Variants in PDE4D observed in about 807,000 individuals in gnomAD.
PDE4D encodes 3',5'-cyclic-AMP phosphodiesterase 4D.
Under a neutral mutation model 87.4 loss-of-function variants are expected in PDE4D, and 24 were observed. The observed-to-expected ratio is 0.27, with a 90% CI of 0.20 to 0.39. PDE4D has a LOEUF of 0.39. PDE4D is among the 10% of genes least tolerant of loss of function. PDE4D has a pLI of 1.00. For missense variants in PDE4D, 714 were observed against 1,041.0 expected (o/e 0.69, Z 4.32); for synonymous variants, 384 against 383.2 (o/e 1.00, Z -0.02).
chr5:58,982,243 T>C (rs1745345948), intron 11 of PDE4D, among the ~76,000 whole-genome samples: 1 of 152,154 alleles, frequency 6.6e-6, no homozygotes. Flanking sequence ...ACATATTGGA[T>C]GCTGATTCAG....
At chr5:59,852,971 G>A (rs1744903705) in intron 1 of PDE4D, among the ~76,000 whole-genome samples, 1 of 152,020 alleles carries the variant, frequency 6.6e-6, no homozygotes, top group Non-Finnish European at 1.5e-5. Context: ...TTTGACAACT[G>A]GACCAGATGA....
At chr5:58,989,280 T>C (rs1372761537) in intron 10 of PDE4D, among the ~76,000 whole-genome samples, 7 of 152,208 alleles carry the variant, frequency 4.6e-5, no homozygotes, top group Admixed American at 2.6e-4. Context: ...AATTATAAAA[T>C]ATATTTCTTA....
intron 2 of PDE4D, among the ~76,000 whole-genome samples, chr5:59,989,119 CA>C (rs1561950930): frequency 4.3e-5 from 3 of 70,114 alleles, no homozygotes; most frequent in African/African-American, 1.3e-4. Flanking sequence ...TATATATACA[CA>C]CACACACATA....
chr5:59,382,471 A>C (rs1278158910), intron 1 of PDE4D, among the ~76,000 whole-genome samples: 1 of 152,182 alleles, frequency 6.6e-6, no homozygotes, highest in African/African-American at 2.4e-5. Flanking sequence ...TTTCTAGTAA[A>C]TTTGGCAAAA....
At chr5:60,054,713 A>C (rs1174812994) in intron 2 of PDE4D, among the ~76,000 whole-genome samples, 1 of 152,138 alleles carries the variant, frequency 6.6e-6, no homozygotes, top group Non-Finnish European at 1.5e-5. Context: ...ACTAAAGGAT[A>C]GTCATCAAGA....
rs865903126 is a variant in PDE4D, at chr5:60,178,860, G to A, written c.42+6697C>T. The stretch of plus-strand genomic sequence containing the variant: ...TAAAGCCCAACCTGGAAGTGAATTG[G>A]TGGTGTGTTAACTCTCTGAACTGCT... On this transcript the variant is annotated intron_variant, in intron 2 of 16. Transcript: ENST00000502484. 1.8e-4 allele frequency among the ~76,000 whole-genome samples: 28 copies of A among 152,226 alleles called. No individual in the cohort carries two copies. In the Middle Eastern group the frequency reaches 0.01, roughly 55 times the overall value.
At chr5:59,240,118 T>C (rs781781949) in intron 1 of PDE4D, among the ~76,000 whole-genome samples, 29 of 152,140 alleles carry the variant, frequency 1.9e-4, no homozygotes, top group Admixed American at 5.2e-4. Context: ...CTAACAGCCA[T>C]GACACAACCT....
chr5:60,077,886 C>G (rs1773489760), intron 2 of PDE4D, among the ~76,000 whole-genome samples: 1 of 152,186 alleles, frequency 6.6e-6, no homozygotes, highest in East Asian at 1.9e-4. Flanking sequence ...ACCCCATCCC[C>G]AGGAGTTCTT....
chr5:60,409,133 T>C (rs1741826455), intron 1 of PDE4D, among the ~76,000 whole-genome samples: 1 of 152,044 alleles, frequency 6.6e-6, no homozygotes, highest in South Asian at 2.1e-4. Flanking sequence ...AAAAGGAGGA[T>C]GTGGTATGGA....
chr5:60,345,497 G>T (rs1758676085), intron 1 of PDE4D, among the ~76,000 whole-genome samples: 1 of 144,968 alleles, frequency 6.9e-6, no homozygotes, highest in East Asian at 2.0e-4. Flanking sequence ...GCAATGAAAA[G>T]AAAATTAACT....
chr5:58,995,042 A>AAAAC (rs150937732), intron 6 of PDE4D, among the ~76,000 whole-genome samples: 8 of 151,878 alleles, frequency 5.3e-5, no homozygotes, highest in South Asian at 4.2e-4. Flanking sequence ...TGCTGGGGAA[A>AAAAC]AAACAAACAA....
intron 1 of PDE4D, among the ~76,000 whole-genome samples, chr5:59,349,064 G>A (rs1319578277): frequency 6.6e-6 from 1 of 152,160 alleles, no homozygotes; most frequent in Non-Finnish European, 1.5e-5. Context: ...CTAGATGACA[G>A]AGTGAGACCC....
chr5:60,438,262 A>C (rs775485305), intron 1 of PDE4D, among the ~76,000 whole-genome samples: 5 of 152,076 alleles, frequency 3.3e-5, no homozygotes, highest in Non-Finnish European at 7.4e-5. Context: ...GGAGAGTAAA[A>C]CTAGAGCACA....
intron 1 of PDE4D, among the ~76,000 whole-genome samples, chr5:60,309,669 G>T (rs1192585884): frequency 6.6e-6 from 1 of 152,090 alleles, no homozygotes; most frequent in Non-Finnish European, 1.5e-5. Context: ...AGGAAAAAAC[G>T]ACTCATTTTT....
chr5:59,951,877 T>A (rs115882389), intron 3 of PDE4D, among the ~76,000 whole-genome samples: 505 of 152,212 alleles, frequency 3.3e-3, no homozygotes, highest in African/African-American at 0.012. Flanking sequence ...TCCATAAATA[T>A]CCCCGTTAAA....
intron 1 of PDE4D, among the ~76,000 whole-genome samples, chr5:59,343,556 T>G (rs1392430889): frequency 6.6e-6 from 1 of 152,176 alleles, no homozygotes; most frequent in Non-Finnish European, 1.5e-5. Flanking sequence ...GCTTCATAAG[T>G]CTAGCAGATT....
At chr5:60,009,812 T>C (rs752299209) in intron 2 of PDE4D, among the ~76,000 whole-genome samples, 1 of 152,132 alleles carries the variant, frequency 6.6e-6, no homozygotes, top group Non-Finnish European at 1.5e-5. Context: ...TAAGCTGATT[T>C]GTCTGCAGCT....
chr5:59,961,325 G>T (rs1759447877), intron 3 of PDE4D, among the ~76,000 whole-genome samples: 1 of 150,630 alleles, frequency 6.6e-6, no homozygotes, highest in African/African-American at 2.4e-5. Context: ...AAGGCCACGA[G>T]AGGACACAGG....
intron 1 of PDE4D, among the ~76,000 whole-genome samples, chr5:59,751,867 C>G (rs1760532891): frequency 6.6e-6 from 1 of 152,112 alleles, no homozygotes; most frequent in South Asian, 2.1e-4. Context: ...CCTTCCTAGG[C>G]CCCTCTCTCT....
Sources: allele counts gnomAD v4.1 joint callset (sites outside exome capture counted in the v4.1 genomes callset), GRCh38; gene constraint gnomAD v4.1.1; transcripts MANE v1.5; gene names NCBI Gene and HGNC (gene_info 2026-07-23, HGNC 2026-07-21).